Variants in DDX19B observed in about 807,000 individuals in gnomAD.
DDX19B encodes the protein DEAD-box helicase 19B.
A neutral mutation model predicts 58.1 loss-of-function variants in DDX19B; 27 were observed. The ratio of observed to expected loss-of-function variants is 0.46; its 90% confidence interval spans 0.34 to 0.64. The LOEUF is 0.64. Ranked by LOEUF, DDX19B falls within the 30% of genes least tolerant of loss-of-function variation. The pLI, the probability that DDX19B is intolerant of heterozygous loss-of-function variation, is 0.01. For missense variants in DDX19B, 399 were observed against 596.5 expected, an observed-to-expected ratio of 0.67 and a Z score of 3.45; for synonymous variants, 187 against 214.4, an observed-to-expected ratio of 0.87 and a Z score of 1.12.
At chr16:70,322,570 CAA>C (rs1392790252) in intron 5 of DDX19B, among the ~76,000 whole-genome samples, 3 of 99,120 alleles carry the variant, frequency 3.0e-5, no homozygotes, top group African/African-American at 1.2e-4. Flanking sequence ...GTCTGGGCGA[CAA>C]AGTGAGACCT....
At chr16:70,304,872 C>T (rs1167686620) in intron 1 of DDX19B, among the ~76,000 whole-genome samples, 4 of 150,754 alleles carry the variant, frequency 2.7e-5, no homozygotes, top group African/African-American at 7.3e-5. Context: ...TTTCTTCTTC[C>T]TTTACTGTTC....
upstream of DDX19B, among the ~76,000 whole-genome samples, chr16:70,293,558 G>GT (rs1961111697): frequency 6.8e-6 from 1 of 146,294 alleles, no homozygotes; most frequent in Non-Finnish European, 1.5e-5. Context: ...GGTTTACAAT[G>GT]CTGGCTTATT....
intron 3 of DDX19B, chr16:70,315,579 G>A (rs909118219): frequency 1.3e-5 from 2 of 159,974 alleles, no homozygotes; most frequent in East Asian, 1.8e-4. Flanking sequence ...CATGGATGAC[G>A]AGACCAACTT....
chr16:70,320,700 C>T (rs1360984445), intron 5 of DDX19B, among the ~76,000 whole-genome samples: 2 of 151,062 alleles, frequency 1.3e-5, no homozygotes, highest in Non-Finnish European at 3.0e-5. Context: ...ATTACAGGCA[C>T]GCTCCACCAT....
chr16:70,322,887 G>A (rs368525293), intron 5 of DDX19B, among the ~76,000 whole-genome samples: 3 of 108,784 alleles, frequency 2.8e-5, no homozygotes, highest in Admixed American at 1.2e-4. Context: ...GTGAAACTCC[G>A]TTGCAAAAAA....
At chr16:70,326,120 C>G (rs931645068) in intron 7 of DDX19B, among the ~76,000 whole-genome samples, 1 of 152,164 alleles carries the variant, frequency 6.6e-6, no homozygotes, top group Non-Finnish European at 1.5e-5. Flanking sequence ...GTACCCCTAC[C>G]TTTTTCTCTC....
chr16:70,300,346 T>C (rs998786638), intron 1 of DDX19B, among the ~76,000 whole-genome samples: 1 of 149,662 alleles, frequency 6.7e-6, no homozygotes, highest in Non-Finnish European at 1.5e-5. Context: ...ACTGGGACTG[T>C]AGTCATGTGC....
chr16:70,307,667 G>GTA (rs200114364), intron 1 of DDX19B, among the ~76,000 whole-genome samples: 17 of 149,368 alleles, frequency 1.1e-4, no homozygotes, highest in East Asian at 5.9e-4. Context: ...CTGGCCATAT[G>GTA]TATATATATG....
intron 1 of DDX19B, among the ~76,000 whole-genome samples, chr16:70,305,134 T>C (rs1209515675): frequency 1.3e-5 from 2 of 152,222 alleles, no homozygotes; most frequent in Non-Finnish European, 2.9e-5. Context: ...GGCTTGTCTA[T>C]TCTGACCTTA....
upstream of DDX19B, among the ~76,000 whole-genome samples, chr16:70,297,195 C>A (rs926725457): frequency 2.0e-5 from 3 of 147,994 alleles, no homozygotes; most frequent in Non-Finnish European, 4.5e-5. Context: ...ATTACAGGTG[C>A]AAGCCACCGT....
chr16:70,313,326 T>C (rs1962184430), intron 2 of DDX19B, among the ~76,000 whole-genome samples: 1 of 151,954 alleles, frequency 6.6e-6, no homozygotes, highest in Non-Finnish European at 1.5e-5. Context: ...GTATTTTTGT[T>C]TTTTTATAGA....
chr16:70,301,961 G>T (rs112471888), intron 1 of DDX19B, among the ~76,000 whole-genome samples: 3,175 of 146,732 alleles, frequency 0.022, 100 homozygotes, highest in African/African-American at 0.075. Flanking sequence ...GCTCTTGTCC[G>T]CCAGGCTGGA....
intron 9 of DDX19B, among the ~76,000 whole-genome samples, chr16:70,330,502 C>T (rs933090979): frequency 2.0e-5 from 3 of 152,092 alleles, no homozygotes; most frequent in Non-Finnish European, 4.4e-5. Flanking sequence ...GCAGGAGAAT[C>T]GCTTGAACCC....
chr16:70,325,652 G>C lies in DDX19B; in HGVS notation c.571G>C (p.Glu191Gln). Residue 191 changes from glutamate (E) to glutamine (Q), a missense_variant, in exon 7 of 12, where the codon GAA becomes CAA. Physicochemically the swap from Glu to Gln is conservative, Grantham distance 29. Coordinates refer to ENST00000288071, the MANE Select transcript of DDX19B (RefSeq NM_007242.7). ...VIEQMGKFYP[E>Q]LKLAYAVRGN... ...TGAACAAATGGGCAAATTTTACCCT[G>C]AACTGAAGCTAGCTTATGCTGTTCG... The C allele has an allele frequency of 1.2e-6, 2 of 1,614,068 alleles. No individual in the cohort carries two copies. Among genetic ancestry groups the C allele is most frequent in the Non-Finnish European group, 1.7e-6 (2 of 1,179,988 alleles).
chr16:70,301,587 A>G (rs1961484706), intron 1 of DDX19B, among the ~76,000 whole-genome samples: 2 of 152,078 alleles, frequency 1.3e-5, no homozygotes, highest in South Asian at 4.2e-4. Flanking sequence ...CTTGTTCTTC[A>G]GTTATGAGAA....
rs1216068401 is a variant in DDX19B, at chr16:70,299,254, C to A, written c.-44C>A. ...CGGAGCCCACGATCCCTCGTGCCAT[C>A]CCTCGAATCCACCAGCACGAGCGTC... is the stretch of plus-strand genomic sequence containing the variant. On this transcript the variant is annotated 5_prime_UTR_variant, in exon 1 of 12. Coordinates refer to ENST00000288071, the MANE Select transcript of DDX19B (RefSeq NM_007242.7). The A allele has an allele frequency of 1.2e-5, 18 of 1,522,480 alleles. No homozygotes were observed. Among genetic ancestry groups the A allele is most frequent in the Non-Finnish European group, 1.6e-5 (18 of 1,134,630 alleles). The allele number at this position is 1,522,480 out of a possible 1,614,324, so 94.3% of individuals were successfully genotyped here.
chr16:70,304,046 CT>C (rs1343155530), intron 1 of DDX19B, among the ~76,000 whole-genome samples: 31 of 145,550 alleles, frequency 2.1e-4, no homozygotes, highest in Non-Finnish European at 1.7e-4. Context: ...TGAGGTTCAT[CT>C]TTTTTTTTTT....
upstream of DDX19B, chr16:70,295,067 G>T: frequency 3.9e-6 from 5 of 1,286,892 alleles, no homozygotes; most frequent in Non-Finnish European, 4.9e-6. Context: ...CATCTGTGAG[G>T]TGGGTACTTC....
At chr16:70,317,687 C>A (rs1304409649) in intron 5 of DDX19B, 99 bp downstream of exon 5, 2 of 1,026,740 alleles carry the variant, frequency 1.9e-6, no homozygotes, top group African/African-American at 1.7e-5. Flanking sequence ...GCCTATAATC[C>A]CAGCAACCTG....
Sources: allele counts gnomAD v4.1 joint callset (sites outside exome capture counted in the v4.1 genomes callset), GRCh38; gene constraint gnomAD v4.1.1; transcripts MANE v1.5; gene names NCBI Gene and HGNC (gene_info 2026-07-23, HGNC 2026-07-21).